Variants in MTR observed in about 807,000 individuals in gnomAD.
MTR encodes the protein 5-methyltetrahydrofolate-homocysteine methyltransferase.
A neutral mutation model predicts 154.8 loss-of-function variants in MTR; 84 were observed. The observed-to-expected ratio is 0.54, with a 90% CI of 0.45 to 0.65. The LOEUF (loss-of-function observed/expected upper bound fraction) is 0.65. Ranked by LOEUF, MTR falls within the 30% of genes least tolerant of loss-of-function variation. MTR has a pLI of 0.00. For missense variants in MTR, 1,275 were observed against 1,570.2 expected (o/e 0.81, Z 3.18); for synonymous variants, 554 against 553.9 (o/e 1.00, Z 0.00).
At position 236,874,553 on chromosome 1, in the gene MTR, C is replaced by A. The variant is rs2712831; in HGVS notation, c.2474-173C>A. On this transcript the variant is annotated intron_variant, in intron 23 of 32. Coordinates refer to ENST00000366577, the MANE Select transcript of MTR (RefSeq NM_000254.3). The stretch of plus-strand genomic sequence containing the variant: ...GCCACTGCACTCCAACCTGGGCAAC[C>A]GAATGAGACTCCATCTCAAAAAAAA... Among the ~76,000 whole-genome samples the A allele has an allele frequency of 1, 150,898 of 151,002 alleles. 75,398 individuals carry two copies. Among genetic ancestry groups the A allele is most frequent in the Middle Eastern group, 1 (294 of 294 alleles).
intron 15 of MTR, among the ~76,000 whole-genome samples, chr1:236,848,383 A>G (rs906955739): frequency 6.6e-6 from 1 of 152,172 alleles, no homozygotes; most frequent in Non-Finnish European, 1.5e-5. Flanking sequence ...CAGTAATACT[A>G]GTAGCATTGG....
Position 236,862,316 on chromosome 1 carries a change from A to C in MTR, c.2277A>C (p.Arg759Ser), listed in dbSNP as rs752860802. The change falls in exon 21 of 33, where the codon AGA becomes AGC. Residue 759 changes from arginine (R) to serine (S), a missense_variant. By Grantham distance (110) the Arg-to-Ser change is moderately radical (BLOSUM62 -1). Transcript: ENST00000366577. Reference protein sequence around the residue: ...PFMEKEREETRVLNGTVEEED... With the variant: ...PFMEKEREETSVLNGTVEEED... The stretch of plus-strand genomic sequence containing the variant: ...TGGAAAAAGAAAGAGAAGAAACCAG[A>C]GTGCTTAACGGCACAGTAGAAGAAG... 1 of 1,613,934 alleles carries C rather than the reference A, an allele frequency of 6.2e-7. No homozygotes were observed. Among genetic ancestry groups the C allele is most frequent in the Non-Finnish European group, 8.5e-7 (1 of 1,179,834 alleles).
chr1:236,850,591 G>A, intron 16 of MTR, 68 bp downstream of exon 16: 1 of 1,374,406 alleles, frequency 7.3e-7, no homozygotes, highest in East Asian at 2.3e-5. Flanking sequence ...TGAATGGTTA[G>A]AACTAACTTA....
chr1:236,821,817 A>G (rs1661970715), intron 8 of MTR, among the ~76,000 whole-genome samples: 2 of 152,236 alleles, frequency 1.3e-5, no homozygotes, highest in Non-Finnish European at 2.9e-5. Flanking sequence ...TGGAAAGAAT[A>G]TCTGTTCTCC....
At chr1:236,882,795 G>A (rs1329516545) in intron 25 of MTR, among the ~76,000 whole-genome samples, 2 of 152,216 alleles carry the variant, frequency 1.3e-5, no homozygotes, top group Non-Finnish European at 2.9e-5. Context: ...GTCCAGCCAC[G>A]CAGCCAGCAG....
intron 2 of MTR, among the ~76,000 whole-genome samples, chr1:236,805,561 G>A (rs563868484): frequency 6.6e-6 from 1 of 152,230 alleles, no homozygotes; most frequent in South Asian, 2.1e-4. Context: ...GCTCACTCTA[G>A]CCCACTGTGG....
At chr1:236,831,867 G>A (rs1662632037) in intron 12 of MTR, 99 bp from the exon 13 acceptor site, 1 of 864,644 alleles carries the variant, frequency 1.2e-6, no homozygotes, top group Admixed American at 2.0e-5. Context: ...GGGCTATGGT[G>A]CAGGAACTTC....
intron 24 of MTR, among the ~76,000 whole-genome samples, chr1:236,879,758 G>A (rs1375990565): frequency 2.0e-5 from 3 of 152,182 alleles, no homozygotes; most frequent in Admixed American, 1.3e-4. Context: ...TTGCACTTCT[G>A]TTAATTAGGC....
chr1:236,803,663 C>A, intron 2 of MTR, 21 bp downstream of exon 2: 1 of 1,602,910 alleles, frequency 6.2e-7, no homozygotes, highest in Non-Finnish European at 8.5e-7. Flanking sequence ...CCCAGGTTCC[C>A]ATGTGTATTC....
In MTR at chr1:236,806,050, G is replaced by A. The variant is rs865898564; in HGVS notation, c.250-94G>A. Reference sequence around the variant, plus strand: ...ACTCTTAGTAAATGGTCAAAAGGTAGCTGCTGATAATGGTGGTAATGAAAG... The same window carrying A: ...ACTCTTAGTAAATGGTCAAAAGGTAACTGCTGATAATGGTGGTAATGAAAG... On this transcript the variant is annotated intron_variant, in intron 2 of 32. Transcript: ENST00000366577. The A allele has an allele frequency of 5.4e-5, 55 of 1,011,210 alleles. No individual in the cohort carries two copies. The Middle Eastern group carries it at 9.2e-4, about 17-fold the overall frequency. The allele number at this position is 1,011,210 out of a possible 1,614,324, so 62.6% of individuals were successfully genotyped here. A position where few individuals can be genotyped will look rare whatever the true frequency, so the allele number is the denominator to read the frequency against.
chr1:236,895,456 C>G lies in MTR; in HGVS notation c.3504C>G (p.Tyr1168Ter). The G allele has an allele frequency of 1.3e-6, 2 of 1,599,866 alleles. No homozygotes were observed. Among genetic ancestry groups the G allele is most frequent in the Non-Finnish European group, 1.7e-6 (2 of 1,172,900 alleles). ...TCGCAGACCTGCGCAGGCTGCGGTA[C>G]AAGGGCATCCGCCCGGCTCCTGGCT... ...LDVADLRRLR[Y>*]KGIRPAPGYP... The change falls in exon 31 of 33, where the codon TAC becomes TAG. Residue 1168 changes from tyrosine (Y) to a stop codon, truncating the protein, a stop_gained. Transcript: ENST00000366577. LOFTEE classifies it high-confidence loss of function.
Position 236,862,249 on chromosome 1 carries a change from C to T in MTR, c.2210C>T (p.Ala737Val). Reference sequence around the variant, plus strand: ...TTTTTTTCTCAGGTTATAAAGTCAGCCCGGGTTATGAAGAAGGCTGTTGGC... The same window carrying T: ...TTTTTTTCTCAGGTTATAAAGTCAGTCCGGGTTATGAAGAAGGCTGTTGGC... Reference protein sequence around the residue: ...KMFLPQVIKSARVMKKAVGHL... With the variant: ...KMFLPQVIKSVRVMKKAVGHL... The change falls in exon 21 of 33, where the codon GCC becomes GTC. Residue 737 changes from alanine (A) to valine (V), a missense_variant. By Grantham distance (64) the Ala-to-Val change is moderately conservative. Transcript: ENST00000366577. The T allele has an allele frequency of 6.2e-7, 1 of 1,613,738 alleles. No homozygotes were observed. Among genetic ancestry groups the T allele is most frequent in the Non-Finnish European group, 8.5e-7 (1 of 1,179,688 alleles).
Position 236,861,225 on chromosome 1 carries a change from G to C in MTR, c.2144G>C (p.Gly715Ala). The C allele has an allele frequency of 6.2e-7, 1 of 1,613,590 alleles. No individual in the cohort carries two copies. Among genetic ancestry groups the C allele is most frequent in the Non-Finnish European group, 8.5e-7 (1 of 1,179,902 alleles). ...LNIIEGPLMNGMKIVGDLFGA... is the reference protein window; with the variant it reads ...LNIIEGPLMNAMKIVGDLFGA... ...ATAATTGAAGGACCCCTGATGAATG[G>C]AATGAAAATTGTTGGTGATCTTTTT... The change falls in exon 20 of 33, where the codon GGA becomes GCA. Residue 715 changes from glycine (G) to alanine (A), a missense_variant. Coordinates refer to ENST00000366577, the MANE Select transcript of MTR (RefSeq NM_000254.3).
intron 14 of MTR, among the ~76,000 whole-genome samples, chr1:236,836,742 T>C (rs1421443623): frequency 6.6e-6 from 1 of 152,218 alleles, no homozygotes; most frequent in Non-Finnish European, 1.5e-5. Context: ...GTCATTCCTC[T>C]GGGAGTAAAT....
At chr1:236,873,876 T>C in intron 23 of MTR, 36 bp downstream of exon 23, 1 of 1,580,148 alleles carries the variant, frequency 6.3e-7, no homozygotes, top group South Asian at 1.1e-5. Flanking sequence ...TTTCTCTAAA[T>C]GTCATATCCC....
In MTR at chr1:236,861,184, T is replaced by C; in HGVS notation, c.2103T>C (p.Tyr701=). 6.2e-7 allele frequency: 1 copy of C among 1,610,008 alleles called. No homozygotes were observed. The highest frequency in any genetic ancestry group is 8.5e-7 in the Non-Finnish European group (1 of 1,178,962). The change falls in exon 20 of 33, where the codon TAT becomes TAC. Residue 701 remains tyrosine, a synonymous_variant. Transcript: ENST00000366577. ...TEEARLNQKK[Y]PRPLNIIEGP... ...AAGCCAGGTTAAACCAAAAAAAATA[T>C]CCCCGACCTCTCAATATAATTGAAG...
At chr1:236,896,261 T>A (rs1666617923) in intron 31 of MTR, among the ~76,000 whole-genome samples, 1 of 152,192 alleles carries the variant, frequency 6.6e-6, no homozygotes, top group Non-Finnish European at 1.5e-5. Context: ...TGGCCCAGGC[T>A]AAGCTCACAG....
At position 236,803,433 on chromosome 1, in the gene MTR, C is replaced by G; in HGVS notation, c.40C>G (p.Leu14Val). Residue 14 changes from leucine (L) to valine (V), a missense_variant, in exon 2 of 33, where the codon CTG becomes GTG. Physicochemically the swap from Leu to Val is conservative, Grantham distance 32 (BLOSUM62 1). Transcript: ENST00000366577. ...ALQDLSQPEGLKKTLRDEINA... is the reference protein window; with the variant it reads ...ALQDLSQPEGVKKTLRDEINA... ...AACTTTCACTTTCTTTAAAGAAGGT[C>G]TGAAGAAAACCCTGCGGGATGAGAT... 1 of 1,614,002 alleles carries G rather than the reference C, an allele frequency of 6.2e-7. No homozygotes were observed. The highest frequency in any genetic ancestry group is 8.5e-7 in the Non-Finnish European group (1 of 1,179,944).
At chr1:236,800,337 A>C (rs1049742887) in intron 1 of MTR, 1 of 985,322 alleles carries the variant, frequency 1.0e-6, no homozygotes, top group African/African-American at 1.7e-5. Context: ...TTTCATGTGC[A>C]TGACCTATTT....
Sources: gnomAD v4.1 joint callset for allele counts (sites outside exome capture counted in the v4.1 genomes callset) on GRCh38, gnomAD v4.1.1 for gene constraint, MANE v1.5 for transcripts, NCBI Gene and HGNC (gene_info 2026-07-23, HGNC 2026-07-21) for gene names.